TBC1D22B: variants seen among roughly 807,000 people sequenced by gnomAD.
The protein encoded by TBC1D22B is TBC1 domain family member 22B.
A neutral mutation model predicts 69.1 loss-of-function variants in TBC1D22B; 32 were observed. The ratio of observed to expected loss-of-function variants is 0.46; its 90% confidence interval spans 0.35 to 0.62. The LOEUF is 0.62. TBC1D22B is among the 20% of genes least tolerant of loss of function. The pLI is 0.00. For synonymous variants in TBC1D22B, 206 were observed against 229.8 expected (o/e 0.90, Z 0.94); for missense variants, 462 against 630.9 (o/e 0.73, Z 2.87).
chr6:37,303,156 G>A (rs1767616607), intron 8 of TBC1D22B, among the ~76,000 whole-genome samples: 1 of 152,218 alleles, frequency 6.6e-6, no homozygotes, highest in Non-Finnish European at 1.5e-5. Context: ...AAGTGAGGCT[G>A]AGAAACAGTC....
At chr6:37,327,441 G>A (rs893929340) in intron 12 of TBC1D22B, among the ~76,000 whole-genome samples, 4 of 69,416 alleles carry the variant, frequency 5.8e-5, no homozygotes, top group Middle Eastern at 0.015. Flanking sequence ...TCGTGCCACT[G>A]CACTCCAGCC....
intron 12 of TBC1D22B, among the ~76,000 whole-genome samples, chr6:37,326,405 C>T (rs1299777444): frequency 6.8e-6 from 1 of 147,514 alleles, no homozygotes; most frequent in Non-Finnish European, 1.5e-5. Flanking sequence ...GTATTCTCTT[C>T]TAGAGAGCTA....
chr6:37,330,657 A>G (rs1359231463), intron 12 of TBC1D22B, among the ~76,000 whole-genome samples: 6 of 152,246 alleles, frequency 3.9e-5, no homozygotes, highest in African/African-American at 2.4e-5. Context: ...AAAAAAAGTC[A>G]TAATTATTGT....
chr6:37,282,763 G>A, intron 4 of TBC1D22B, 119 bp from the exon 5 acceptor site: 4 of 974,716 alleles, frequency 4.1e-6, no homozygotes, highest in Non-Finnish European at 6.5e-6. Context: ...GTGCTTATGG[G>A]TAGCAGGTGG....
chr6:37,290,917 A>G (rs1767158544), intron 7 of TBC1D22B, among the ~76,000 whole-genome samples: 1 of 152,138 alleles, frequency 6.6e-6, no homozygotes. Flanking sequence ...TACAGATGAG[A>G]ATGTGGTGGC....
At chr6:37,300,063 T>G (rs912354603) in intron 8 of TBC1D22B, among the ~76,000 whole-genome samples, 1 of 151,486 alleles carries the variant, frequency 6.6e-6, no homozygotes, top group Non-Finnish European at 1.5e-5. Context: ...CTTCTAATAC[T>G]CTTGTGGCTT....
intron 12 of TBC1D22B, among the ~76,000 whole-genome samples, chr6:37,322,551 G>A (rs1477794882): frequency 6.6e-6 from 1 of 152,192 alleles, no homozygotes; most frequent in African/African-American, 2.4e-5. Flanking sequence ...TAAGCAAAGG[G>A]AACTTTTGAG....
chr6:37,288,848 ACCATTTCAT>A (rs1767091047), intron 7 of TBC1D22B, among the ~76,000 whole-genome samples: 1 of 151,800 alleles, frequency 6.6e-6, no homozygotes, highest in Non-Finnish European at 1.5e-5. Context: ...TTCCTGAATG[ACCATTTCAT>A]CTAGCAGGCT....
chr6:37,314,880 G>A (rs149702), intron 10 of TBC1D22B, among the ~76,000 whole-genome samples: 128,339 of 151,660 alleles, frequency 0.85, 54,435 homozygotes, highest in South Asian at 0.91. Context: ...TTATGACTTA[G>A]CATTTCAATC....
intron 8 of TBC1D22B, among the ~76,000 whole-genome samples, chr6:37,299,497 G>C (rs937387739): frequency 1.3e-5 from 2 of 152,174 alleles, no homozygotes; most frequent in African/African-American, 2.4e-5. Context: ...TATACAGTCA[G>C]ATCTGTCCAT....
chr6:37,297,843 C>T (rs1183422563), intron 8 of TBC1D22B, among the ~76,000 whole-genome samples: 7 of 152,196 alleles, frequency 4.6e-5, no homozygotes, highest in Non-Finnish European at 8.8e-5. Flanking sequence ...GACACATTTA[C>T]ACCATGGAAT....
intron 6 of TBC1D22B, among the ~76,000 whole-genome samples, chr6:37,285,271 T>C (rs562425802): frequency 1.3e-5 from 2 of 151,492 alleles, no homozygotes; most frequent in East Asian, 3.9e-4. Context: ...GTAAGAACTT[T>C]CAGCTTCAGT....
chr6:37,266,623 G>C (rs1301166497), intron 1 of TBC1D22B, among the ~76,000 whole-genome samples: 1 of 151,856 alleles, frequency 6.6e-6, no homozygotes, highest in East Asian at 1.9e-4. Context: ...CACCATGCCC[G>C]GCTAATTTTT....
chr6:37,316,877 G>A, intron 11 of TBC1D22B, 47 bp downstream of exon 11: 1 of 1,612,006 alleles, frequency 6.2e-7, no homozygotes, highest in Admixed American at 1.7e-5. Context: ...TCTCTGAGGT[G>A]TCCAGCTCTC....
chr6:37,320,708 G>T (rs9462292), intron 12 of TBC1D22B, among the ~76,000 whole-genome samples: 1,583 of 152,318 alleles, frequency 0.01, 24 homozygotes, highest in African/African-American at 0.036. Context: ...CCCTGGCCAA[G>T]CAGTTGTCTA....
At chr6:37,303,400 T>TAC (rs1767622628) in intron 8 of TBC1D22B, among the ~76,000 whole-genome samples, 1 of 152,218 alleles carries the variant, frequency 6.6e-6, no homozygotes, top group Non-Finnish European at 1.5e-5. Flanking sequence ...TCCAATCATT[T>TAC]ACAAAGCTCT....
intron 12 of TBC1D22B, among the ~76,000 whole-genome samples, chr6:37,321,368 T>A (rs1768238969): frequency 6.6e-6 from 1 of 152,202 alleles, no homozygotes; most frequent in Admixed American, 6.5e-5. Flanking sequence ...GGCAAGGATC[T>A]GCTTAGGTTT....
At chr6:37,278,309 C>T (rs1334413626) in intron 2 of TBC1D22B, among the ~76,000 whole-genome samples, 1 of 152,062 alleles carries the variant, frequency 6.6e-6, no homozygotes, top group African/African-American at 2.4e-5. Flanking sequence ...TTCTCAAGGC[C>T]AGCAGAAGAA....
chr6:37,289,567 C>T (rs1767114329), intron 7 of TBC1D22B, among the ~76,000 whole-genome samples: 1 of 152,132 alleles, frequency 6.6e-6, no homozygotes. Flanking sequence ...TGTACTTGGC[C>T]ATTGTTACAG....
Sources: gnomAD v4.1 joint callset for allele counts (sites outside exome capture counted in the v4.1 genomes callset) on GRCh38, gnomAD v4.1.1 for gene constraint, MANE v1.5 for transcripts, NCBI Gene and HGNC (gene_info 2026-07-23, HGNC 2026-07-21) for gene names.